Variants in PAPOLA observed in about 807,000 individuals in gnomAD.
The protein encoded by PAPOLA is poly(A) polymerase alpha.
PAPOLA carries 15 observed loss-of-function variants against 100.6 expected under a neutral mutation model. That is an observed-to-expected ratio of 0.15 (90% confidence interval 0.10 to 0.23). The LOEUF (loss-of-function observed/expected upper bound fraction) is 0.23, where lower values mean the gene tolerates loss of function less well. Among genes scored for constraint, PAPOLA ranks in the 10% least tolerant of loss-of-function variants. PAPOLA has a pLI of 1.00. For missense variants in PAPOLA, 533 were observed against 884.2 expected (o/e 0.60, Z 5.04); for synonymous variants, 293 against 300.0 (o/e 0.98, Z 0.24).
Position 96,565,552 on chromosome 14 carries a change from T to A in PAPOLA, c.*502T>A, listed in dbSNP as rs1241612398. On this transcript the variant is annotated 3_prime_UTR_variant, in exon 22 of 22. Transcript: ENST00000216277. Reference sequence around the variant, plus strand: ...ACTGTTGTGCAGTGGTGTACTGTTATACTTCAGAGAAAGGGTAAGAGTACA... The same window carrying A: ...ACTGTTGTGCAGTGGTGTACTGTTAAACTTCAGAGAAAGGGTAAGAGTACA... 1 of 396,322 alleles carries A rather than the reference T, an allele frequency of 2.5e-6. No homozygotes were observed. The highest frequency in any genetic ancestry group is 2.1e-5 in the African/African-American group (1 of 48,518). The allele number at this position is 396,322 out of a possible 1,614,324, so 24.6% of individuals were successfully genotyped here.
intron 19 of PAPOLA, among the ~76,000 whole-genome samples, chr14:96,558,260 A>G (rs1038612501): frequency 6.6e-6 from 1 of 152,168 alleles, no homozygotes; most frequent in Non-Finnish European, 1.5e-5. Flanking sequence ...CTGCTGCCAC[A>G]TGATTGGGTT....
At chr14:96,522,380 A>G (rs1273280532) in intron 3 of PAPOLA, among the ~76,000 whole-genome samples, 2 of 151,182 alleles carry the variant, frequency 1.3e-5, no homozygotes, top group Non-Finnish European at 2.9e-5. Flanking sequence ...CGGCCTTTCA[A>G]AGTGCTGGGA....
intron 3 of PAPOLA, among the ~76,000 whole-genome samples, chr14:96,524,517 C>T (rs1489117939): frequency 6.6e-6 from 1 of 151,802 alleles, no homozygotes; most frequent in African/African-American, 2.4e-5. Context: ...TTCTTCCCCT[C>T]TTCCCCTTCC....
chr14:96,513,449 A>G (rs1897238107), intron 1 of PAPOLA, among the ~76,000 whole-genome samples: 1 of 152,198 alleles, frequency 6.6e-6, no homozygotes, highest in African/African-American at 2.4e-5. Flanking sequence ...CATGGCTTTC[A>G]GTTTGAACCT....
At chr14:96,550,958 G>T (rs1405917134) in intron 16 of PAPOLA, among the ~76,000 whole-genome samples, 1 of 152,070 alleles carries the variant, frequency 6.6e-6, no homozygotes, top group Admixed American at 6.5e-5. Context: ...AGAAACTGAG[G>T]GGTTGAGAAC....
intron 1 of PAPOLA, 109 bp from the exon 2 acceptor site, chr14:96,519,946 C>T: frequency 2.2e-6 from 2 of 912,060 alleles, no homozygotes. Flanking sequence ...TTGCAGGGAA[C>T]CAATCATGTT....
chr14:96,545,021 T>C (rs1900274531), intron 15 of PAPOLA, among the ~76,000 whole-genome samples: 4 of 152,078 alleles, frequency 2.6e-5, no homozygotes, highest in African/African-American at 9.7e-5. Context: ...TGGCAAATAC[T>C]ACGCATAGGG....
Position 96,532,617 on chromosome 14 carries a change from T to C in PAPOLA, c.804T>C (p.Leu268=), listed in dbSNP as rs776275094. The stretch of plus-strand genomic sequence containing the variant: ...ATCCAAATGCAATAGCATCAACTCT[T>C]GTACATAAATTTTTCTTGGTATTTT... ...QLYPNAIAST[L]VHKFFLVFSK... The change falls in exon 9 of 22, where the codon CTT becomes CTC. Residue 268 remains leucine, a synonymous_variant. Transcript: ENST00000216277. 6.2e-7 allele frequency: 1 copy of C among 1,610,472 alleles called. No homozygotes were observed. The highest frequency in any genetic ancestry group is 8.5e-7 in the Non-Finnish European group (1 of 1,178,626).
chr14:96,557,484 C>T (rs1015018327), intron 19 of PAPOLA, among the ~76,000 whole-genome samples: 1 of 151,648 alleles, frequency 6.6e-6, no homozygotes, highest in African/African-American at 2.4e-5. Flanking sequence ...ATTTCTCCCT[C>T]GAGTCACTTT....
chr14:96,561,052 G>C (rs534964702), intron 20 of PAPOLA, among the ~76,000 whole-genome samples: 9 of 152,300 alleles, frequency 5.9e-5, no homozygotes, highest in African/African-American at 1.9e-4. Context: ...CTTCATTGAA[G>C]AAAGAAGTAG....
At chr14:96,545,369 C>T (rs1165596021) in intron 15 of PAPOLA, among the ~76,000 whole-genome samples, 1 of 151,994 alleles carries the variant, frequency 6.6e-6, no homozygotes, top group East Asian at 1.9e-4. Flanking sequence ...GAATCGCGAG[C>T]AGTGTGACAT....
At position 96,552,446 on chromosome 14, in the gene PAPOLA, A is replaced by G. The variant is rs190335775; in HGVS notation, c.1522-34A>G. The G allele has an allele frequency of 9.8e-4, 1,534 of 1,573,064 alleles. 1 individual carries two copies. Among genetic ancestry groups the G allele is most frequent in the Non-Finnish European group, 1.2e-3 (1,426 of 1,144,574 alleles). ...ATGTTTCAACATTTGGATGAAATAA[A>G]GATATATTTGATAAAATGTTTTATT... On this transcript the variant is annotated intron_variant, in intron 16 of 21. Transcript: ENST00000216277.
At chr14:96,518,494 C>T (rs183039766) in intron 1 of PAPOLA, among the ~76,000 whole-genome samples, 83 of 151,910 alleles carry the variant, frequency 5.5e-4, no homozygotes, top group African/African-American at 5.8e-4. Context: ...CTGCAAGCTC[C>T]GCCTCCCAGG....
chr14:96,547,719 G>C lies in PAPOLA; in HGVS notation c.1400-78G>C, dbSNP rs1595546928. On this transcript the variant is annotated intron_variant, in intron 15 of 21. Transcript: ENST00000216277. ...TTGATGGAAAAAGGATCCCTACTTAGAATAGTTTCTCTGGAGTGAGTATAA... is the reference window on the plus strand; with the variant it reads ...TTGATGGAAAAAGGATCCCTACTTACAATAGTTTCTCTGGAGTGAGTATAA... 8 of 1,103,388 alleles carry C rather than the reference G, an allele frequency of 7.3e-6. No homozygotes were observed. In the East Asian group the frequency reaches 2.0e-4, roughly 28 times the overall value. The allele number at this position is 1,103,388 out of a possible 1,614,324, so 68.3% of individuals were successfully genotyped here.
At chr14:96,532,061 A>C in intron 7 of PAPOLA, 1 of 1,274,114 alleles carries the variant, frequency 7.8e-7, no homozygotes, top group Non-Finnish European at 9.9e-7. Flanking sequence ...GTGAATCTGA[A>C]GTTCAAATTG....
At chr14:96,550,678 C>T (rs190071494) in intron 16 of PAPOLA, among the ~76,000 whole-genome samples, 24 of 152,266 alleles carry the variant, frequency 1.6e-4, no homozygotes, top group Admixed American at 1.6e-3. Flanking sequence ...ATCCAAATTA[C>T]ATTTTTAGTG....
At chr14:96,536,250 A>C (rs557259101) in intron 11 of PAPOLA, among the ~76,000 whole-genome samples, 41 of 152,226 alleles carry the variant, frequency 2.7e-4, no homozygotes, top group African/African-American at 9.6e-4. Flanking sequence ...GTTGCATACT[A>C]TTGCCTTGTA....
At chr14:96,564,603 A>G (rs1902134255) in intron 21 of PAPOLA, among the ~76,000 whole-genome samples, 1 of 152,106 alleles carries the variant, frequency 6.6e-6, no homozygotes, top group African/African-American at 2.4e-5. Flanking sequence ...ACTAGTTAAT[A>G]TTACAGCTAT....
At chr14:96,503,464 C>T (rs958773949) in intron 1 of PAPOLA, among the ~76,000 whole-genome samples, 1 of 151,980 alleles carries the variant, frequency 6.6e-6, no homozygotes, top group Non-Finnish European at 1.5e-5. Context: ...CTCCCCTCCC[C>T]CTTTCTGATA....
Sources: allele counts gnomAD v4.1 joint callset (sites outside exome capture counted in the v4.1 genomes callset), GRCh38; gene constraint gnomAD v4.1.1; transcripts MANE v1.5; gene names NCBI Gene and HGNC (gene_info 2026-07-23, HGNC 2026-07-21).